Variants in METAP1D observed in about 807,000 individuals in gnomAD.
METAP1D encodes methionyl aminopeptidase type 1D, mitochondrial.
Under a neutral mutation model 40.5 loss-of-function variants are expected in METAP1D, and 31 were observed. That is an observed-to-expected ratio of 0.77 (90% CI 0.58 to 1.03). METAP1D has a LOEUF of 1.03. Ranked by LOEUF, METAP1D falls within the 50% of genes least tolerant of loss-of-function variation. The probability of loss-of-function intolerance (pLI) is 0.00; values close to 1 mark genes in which losing one functional copy is unlikely to be tolerated. For missense variants in METAP1D, 411 were observed against 420.7 expected (o/e 0.98, Z 0.20); for synonymous variants, 151 against 146.4 (o/e 1.03, Z -0.22).
intron 5 of METAP1D, among the ~76,000 whole-genome samples, chr2:172,068,035 T>C (rs918535922): frequency 6.6e-6 from 1 of 152,156 alleles, no homozygotes; most frequent in Non-Finnish European, 1.5e-5. Context: ...CTGAAAAATG[T>C]TTTTCTTAAA....
rs1371987534 is a variant in METAP1D at position 172,042,231 on chromosome 2, A to G, written c.41-19267A>G. Among the ~76,000 whole-genome samples the G allele has an allele frequency of 1.8e-3, 91 of 50,010 alleles. 14 individuals carry two copies. The highest frequency in any genetic ancestry group is 4.8e-3 in the African/African-American group (86 of 18,046). The allele number at this position is 50,010 out of a possible 152,430, so 32.8% of individuals were successfully genotyped here. ...TATGTATGTGTACATGTGTACACAT[A>G]TACATATGTATGTGTACATGTGTAC... On this transcript the variant is annotated intron_variant, in intron 1 of 9. Coordinates refer to ENST00000315796, the MANE Select transcript of METAP1D (RefSeq NM_199227.3).
chr2:172,058,471 G>A (rs1690049994), intron 1 of METAP1D, among the ~76,000 whole-genome samples: 1 of 152,066 alleles, frequency 6.6e-6, no homozygotes, highest in African/African-American at 2.4e-5. Flanking sequence ...ACAATACTAG[G>A]GTTGGTGATA....
chr2:172,078,034 A>C, intron 7 of METAP1D, 140 bp downstream of exon 7: 7 of 283,060 alleles, frequency 2.5e-5, no homozygotes, highest in East Asian at 8.3e-5. Flanking sequence ...GGGGCAGGGG[A>C]GGGGGGTCTG....
chr2:172,045,809 G>GTATATA (rs1159340647), intron 1 of METAP1D, among the ~76,000 whole-genome samples: 1 of 69,950 alleles, frequency 1.4e-5, no homozygotes, highest in African/African-American at 5.5e-5. Context: ...GTGTGTGTGT[G>GTATATA]TGTGTGTGTG....
rs201905938 is a variant in METAP1D, at chr2:172,044,957, A to G, written c.41-16541A>G. On this transcript the variant is annotated intron_variant, in intron 1 of 9. Transcript: ENST00000315796. ...AGAGACCTAATAGGAGACTTCACAA[A>G]AGAGGATACAGAAATAAACAAAGGA... is the stretch of plus-strand genomic sequence containing the variant. Among the ~76,000 whole-genome samples the G allele has an allele frequency of 2.2e-5, 3 of 135,008 alleles. 1 individual carries two copies. Among genetic ancestry groups the G allele is most frequent in the African/African-American group, 7.5e-5 (3 of 39,822 alleles). The allele number at this position is 135,008 out of a possible 152,430, so 88.6% of individuals were successfully genotyped here.
At chr2:172,014,507 G>A (rs1205817859) in intron 1 of METAP1D, among the ~76,000 whole-genome samples, 5 of 152,202 alleles carry the variant, frequency 3.3e-5, no homozygotes, top group Non-Finnish European at 7.3e-5. Flanking sequence ...GTAGTCATTT[G>A]ATTCAGAGGC....
intron 6 of METAP1D, among the ~76,000 whole-genome samples, chr2:172,077,534 G>A (rs147906839): frequency 6.6e-6 from 1 of 152,298 alleles, no homozygotes; most frequent in African/African-American, 2.4e-5. Flanking sequence ...TTGTTTGAAT[G>A]CTGTACAAAG....
intron 3 of METAP1D, chr2:172,064,062 G>T: frequency 1.7e-6 from 1 of 598,470 alleles, no homozygotes; most frequent in Non-Finnish European, 2.4e-6. Flanking sequence ...GTTTATTCAA[G>T]AAGTAATTTA....
chr2:172,078,187 AC>A (rs1307721886), intron 7 of METAP1D, among the ~76,000 whole-genome samples: 2 of 152,188 alleles, frequency 1.3e-5, no homozygotes, highest in Non-Finnish European at 1.5e-5. Context: ...AGAAAAAGTT[AC>A]TGAAAACAAA....
intron 1 of METAP1D, among the ~76,000 whole-genome samples, chr2:172,031,892 C>T (rs1366675730): frequency 6.6e-6 from 1 of 152,166 alleles, no homozygotes; most frequent in African/African-American, 2.4e-5. Flanking sequence ...GTCAAAGTGC[C>T]TCAGCCATTT....
At chr2:172,074,343 A>T (rs1690496044) in intron 6 of METAP1D, among the ~76,000 whole-genome samples, 1 of 152,196 alleles carries the variant, frequency 6.6e-6, no homozygotes, top group Admixed American at 6.5e-5. Flanking sequence ...TTTAAAAAAT[A>T]ATCTCTTTCT....
intron 3 of METAP1D, among the ~76,000 whole-genome samples, chr2:172,064,619 CAAAA>C (rs35487971): frequency 7.7e-5 from 8 of 103,300 alleles, no homozygotes; most frequent in Non-Finnish European, 1.0e-4. Context: ...GACTCCATCT[CAAAA>C]AAAAAAAAAA....
Position 172,044,944 on chromosome 2 carries a change from G to A in METAP1D, c.41-16554G>A, listed in dbSNP as rs1689703754. Among the ~76,000 whole-genome samples, 2 of 130,120 alleles carry A rather than the reference G, an allele frequency of 1.5e-5. 1 individual carries two copies. The highest frequency in any genetic ancestry group is 3.5e-5 in the Non-Finnish European group (2 of 57,144). The allele number at this position is 130,120 out of a possible 152,430, so 85.4% of individuals were successfully genotyped here. On this transcript the variant is annotated intron_variant, in intron 1 of 9. Transcript: ENST00000315796. Reference sequence around the variant, plus strand: ...GAAAAACAACCCAAGAGACCTAATAGGAGACTTCACAAAAGAGGATACAGA... The same window carrying A: ...GAAAAACAACCCAAGAGACCTAATAAGAGACTTCACAAAAGAGGATACAGA...
intron 1 of METAP1D, among the ~76,000 whole-genome samples, chr2:172,000,385 G>C (rs1688430486): frequency 6.6e-6 from 1 of 152,204 alleles, no homozygotes; most frequent in African/African-American, 2.4e-5. Context: ...TGGACACCCG[G>C]TTCCCTTCCC....
chr2:172,002,624 T>C (rs1688491978), intron 1 of METAP1D, among the ~76,000 whole-genome samples: 1 of 152,140 alleles, frequency 6.6e-6, no homozygotes, highest in African/African-American at 2.4e-5. Flanking sequence ...ATTTTAATGA[T>C]GGAGAAAGGG....
chr2:172,017,737 G>A (rs2105390711), intron 1 of METAP1D, among the ~76,000 whole-genome samples: 1 of 152,196 alleles, frequency 6.6e-6, no homozygotes, highest in Non-Finnish European at 1.5e-5. Flanking sequence ...TCATATCAGA[G>A]GTGATAAGAC....
intron 6 of METAP1D, among the ~76,000 whole-genome samples, chr2:172,075,705 A>G (rs992409038): frequency 7.9e-5 from 12 of 152,220 alleles, no homozygotes; most frequent in African/African-American, 2.9e-4. Flanking sequence ...ATGAGATCCT[A>G]TCTGACTTAG....
chr2:172,069,722 A>G (rs1221002757), intron 5 of METAP1D, among the ~76,000 whole-genome samples: 1 of 152,200 alleles, frequency 6.6e-6, no homozygotes, highest in Non-Finnish European at 1.5e-5. Context: ...TATAGTAGAG[A>G]AAACACTCGA....
intron 5 of METAP1D, among the ~76,000 whole-genome samples, chr2:172,067,781 T>A (rs1026885063): frequency 6.6e-6 from 1 of 152,240 alleles, no homozygotes; most frequent in Non-Finnish European, 1.5e-5. Context: ...ACATTCAAAT[T>A]ACTTCACAAT....
Sources: gnomAD v4.1 joint callset for allele counts (sites outside exome capture counted in the v4.1 genomes callset) on GRCh38, gnomAD v4.1.1 for gene constraint, MANE v1.5 for transcripts, NCBI Gene and HGNC (gene_info 2026-07-23, HGNC 2026-07-21) for gene names.